Variants in GRID1 observed in about 807,000 individuals in gnomAD.
GRID1 encodes the protein glutamate receptor ionotropic, delta-1.
A neutral mutation model predicts 98.0 loss-of-function variants in GRID1; 28 were observed. That is an observed-to-expected ratio of 0.29 (90% CI 0.21 to 0.39). GRID1 has a LOEUF of 0.39. Ranked by LOEUF, GRID1 falls within the 10% of genes least tolerant of loss-of-function variation. The pLI is 1.00. For synonymous variants in GRID1, 553 were observed against 538.5 expected (o/e 1.03, Z -0.37); for missense variants, 1,111 against 1,340.5 (o/e 0.83, Z 2.67).
At chr10:86,361,438 A>G (rs1848599601) in intron 2 of GRID1, among the ~76,000 whole-genome samples, 1 of 152,220 alleles carries the variant, frequency 6.6e-6, no homozygotes, top group African/African-American at 2.4e-5. Context: ...TCCCTAGACA[A>G]CTGTCAACCA....
intron 8 of GRID1, 92 bp downstream of exon 8, chr10:85,854,404 A>G: frequency 8.8e-7 from 1 of 1,133,796 alleles, no homozygotes; most frequent in Non-Finnish European, 1.3e-6. Context: ...GTGCTAGTTA[A>G]CAGTTGCTGG....
chr10:85,966,094 G>T (rs1403951782), intron 4 of GRID1, among the ~76,000 whole-genome samples: 2 of 152,206 alleles, frequency 1.3e-5, no homozygotes, highest in African/African-American at 4.8e-5. Context: ...TTTCCTGGAA[G>T]ATCCTTATGC....
chr10:85,963,718 C>T (rs915274268), intron 4 of GRID1, among the ~76,000 whole-genome samples: 26 of 152,312 alleles, frequency 1.7e-4, no homozygotes, highest in East Asian at 9.6e-4. Context: ...ATTCCTTGAG[C>T]CATTACTTCA....
chr10:85,892,160 C>A (rs1209038422), intron 5 of GRID1, among the ~76,000 whole-genome samples: 1 of 148,030 alleles, frequency 6.8e-6, no homozygotes, highest in Non-Finnish European at 1.5e-5. Context: ...AGTCGATGAA[C>A]TTGAAAGTAT....
At chr10:86,167,546 G>T (rs551666109) in intron 3 of GRID1, among the ~76,000 whole-genome samples, 114 of 152,360 alleles carry the variant, frequency 7.5e-4, no homozygotes, top group Non-Finnish European at 1.4e-3. Context: ...TGCTGGGGGA[G>T]TGGCGGGCTT....
chr10:86,048,972 C>A (rs1843463123), intron 4 of GRID1, among the ~76,000 whole-genome samples: 2 of 152,268 alleles, frequency 1.3e-5, no homozygotes, highest in Admixed American at 6.5e-5. Flanking sequence ...CAGAAAGAGC[C>A]CTTCTATGCA....
chr10:85,913,200 C>T (rs890817236), intron 5 of GRID1, among the ~76,000 whole-genome samples: 3 of 152,154 alleles, frequency 2.0e-5, no homozygotes, highest in African/African-American at 7.2e-5. Context: ...GCATACCTGA[C>T]CCCCACTGAC....
At chr10:86,292,255 G>T (rs1266319270) in intron 2 of GRID1, among the ~76,000 whole-genome samples, 1 of 152,274 alleles carries the variant, frequency 6.6e-6, no homozygotes, top group African/African-American at 2.4e-5. Context: ...CTTTGGGAAG[G>T]ATGGCACATC....
chr10:86,240,110 C>A (rs1217352956), intron 2 of GRID1, among the ~76,000 whole-genome samples: 2 of 152,178 alleles, frequency 1.3e-5, no homozygotes, highest in Admixed American at 6.5e-5. Context: ...GCCTCCAGAA[C>A]TGTGAGAAAA....
intron 8 of GRID1, among the ~76,000 whole-genome samples, chr10:85,813,393 A>G (rs1291992533): frequency 6.6e-6 from 1 of 151,490 alleles, no homozygotes; most frequent in East Asian, 1.9e-4. Flanking sequence ...TGGAATCACC[A>G]TTGATTTCTC....
chr10:86,229,297 T>G (rs72841779), intron 2 of GRID1, among the ~76,000 whole-genome samples: 1 of 151,744 alleles, frequency 6.6e-6, no homozygotes, highest in Non-Finnish European at 1.5e-5. Flanking sequence ...AGGCACCTGC[T>G]GGGGCCTGAG....
intron 8 of GRID1, among the ~76,000 whole-genome samples, chr10:85,774,705 GC>G (rs1842311255): frequency 6.6e-6 from 1 of 151,296 alleles, no homozygotes; most frequent in Non-Finnish European, 1.5e-5. Context: ...CATTTATGCA[GC>G]CAAAAAACAC....
chr10:86,328,157 A>G (rs1348309820), intron 2 of GRID1, among the ~76,000 whole-genome samples: 2 of 152,248 alleles, frequency 1.3e-5, no homozygotes, highest in Non-Finnish European at 2.9e-5. Flanking sequence ...AGGTGTAGTC[A>G]GCATTATTTA....
At chr10:85,937,876 A>G (rs1380521454) in intron 4 of GRID1, among the ~76,000 whole-genome samples, 1 of 152,232 alleles carries the variant, frequency 6.6e-6, no homozygotes, top group African/African-American at 2.4e-5. Flanking sequence ...GCCGAGGTTG[A>G]GAAAACCAGG....
At position 86,241,917 on chromosome 10, in the gene GRID1, A is replaced by G. The variant is rs540634163; in HGVS notation, c.236-35269T>C. Among the ~76,000 whole-genome samples the G allele has an allele frequency of 3.3e-5, 5 of 152,298 alleles. No individual in the cohort carries two copies. In the East Asian group the frequency reaches 5.8e-4, roughly 18 times the overall value. ...CTCAGGAAGCACCTCCTGTGTGCCAATGCCTATGCTGGGTCCCTGGATGCA... is the reference window on the plus strand; with the variant it reads ...CTCAGGAAGCACCTCCTGTGTGCCAGTGCCTATGCTGGGTCCCTGGATGCA... On this transcript the variant is annotated intron_variant, in intron 2 of 15. Transcript: ENST00000327946.
rs140609959 is a variant in GRID1, at chr10:86,169,311, G to A, written c.521-30287C>T. Among the ~76,000 whole-genome samples the A allele has an allele frequency of 1.9e-3, 293 of 152,330 alleles. 2 individuals are homozygous for A. Among genetic ancestry groups the A allele is most frequent in the African/African-American group, 6.6e-3 (274 of 41,554 alleles). ...AAGCCACGCTGTAGCCCCAGGGGCA[G>A]TGGTATGCTAGGAGAGGTTTAACTG... On this transcript the variant is annotated intron_variant, in intron 3 of 15. Transcript: ENST00000327946.
intron 8 of GRID1, among the ~76,000 whole-genome samples, chr10:85,847,607 T>C (rs978987397): frequency 2.4e-4 from 36 of 152,164 alleles, no homozygotes; most frequent in African/African-American, 7.9e-4. Context: ...GAAATGAAGG[T>C]CTGCTGTATA....
intron 4 of GRID1, among the ~76,000 whole-genome samples, chr10:86,105,547 G>A (rs988761488): frequency 6.6e-6 from 1 of 152,164 alleles, no homozygotes; most frequent in African/African-American, 2.4e-5. Flanking sequence ...ATTGGGTGGG[G>A]AACACGCTCT....
At chr10:85,737,160 C>T (rs1841891122) in intron 8 of GRID1, among the ~76,000 whole-genome samples, 2 of 152,124 alleles carry the variant, frequency 1.3e-5, no homozygotes, top group African/African-American at 4.8e-5. Context: ...CAGTTAGGAC[C>T]TTTGCACAAG....
Sources: allele counts gnomAD v4.1 joint callset (sites outside exome capture counted in the v4.1 genomes callset), GRCh38; gene constraint gnomAD v4.1.1; transcripts MANE v1.5; gene names NCBI Gene and HGNC (gene_info 2026-07-23, HGNC 2026-07-21).